LOC400499: variants seen among roughly 807,000 people sequenced by gnomAD.
the LOC400499 span, among the ~76,000 whole-genome samples, chr16:11,380,605 C>A: frequency 6.6e-6 from 1 of 152,120 alleles, no homozygotes; most frequent in Non-Finnish European, 1.5e-5. Context: ...CTTATAACCA[C>A]CTTTTAATTT....
the LOC400499 span, among the ~76,000 whole-genome samples, chr16:11,378,966 T>G: frequency 6.6e-6 from 1 of 152,204 alleles, no homozygotes; most frequent in Non-Finnish European, 1.5e-5. Context: ...TATCCATTAT[T>G]GAAAGTGAGG....
the LOC400499 span, chr16:11,456,938 C>A: frequency 6.5e-7 from 1 of 1,536,310 alleles, no homozygotes. Context: ...CATTGTACTG[C>A]ACCTTCAGGT....
At chr16:11,495,209 CAAAAAA>C in the LOC400499 span, among the ~76,000 whole-genome samples, 7 of 141,382 alleles carry the variant, frequency 5.0e-5, no homozygotes, top group Admixed American at 7.0e-5. Context: ...ACTCTGTCTC[CAAAAAA>C]AAAAAAAAAA....
chr16:11,422,128 A>G, the LOC400499 span, among the ~76,000 whole-genome samples: 1 of 152,202 alleles, frequency 6.6e-6, no homozygotes, highest in Non-Finnish European at 1.5e-5. Flanking sequence ...CAGGCTGGGT[A>G]CATGGCCCAT....
chr16:11,512,542 A>G, the LOC400499 span, among the ~76,000 whole-genome samples: 3 of 152,126 alleles, frequency 2.0e-5, no homozygotes, highest in South Asian at 6.2e-4. Context: ...AGGAGGTTGC[A>G]GTGGGCCAGG....
chr16:11,410,560 G>A, the LOC400499 span, among the ~76,000 whole-genome samples: 10 of 152,350 alleles, frequency 6.6e-5, no homozygotes, highest in East Asian at 1.7e-3. Context: ...TGCGGCAGGG[G>A]ACCCAGCACA....
the LOC400499 span, among the ~76,000 whole-genome samples, chr16:11,479,449 CA>C: frequency 8.0e-6 from 1 of 124,746 alleles, no homozygotes; most frequent in Admixed American, 8.6e-5. Flanking sequence ...CCTATCTCTA[CA>C]AAATTAAAAA....
chr16:11,468,006 C>A, the LOC400499 span, among the ~76,000 whole-genome samples: 1 of 152,146 alleles, frequency 6.6e-6, no homozygotes, highest in Non-Finnish European at 1.5e-5. Context: ...AGAAGACCAC[C>A]TCCAAGCCAA....
the LOC400499 span, among the ~76,000 whole-genome samples, chr16:11,395,794 C>T: frequency 6.6e-6 from 1 of 152,114 alleles, no homozygotes; most frequent in Non-Finnish European, 1.5e-5. Flanking sequence ...ATGGAAACGC[C>T]GAGAGAGCAC....
chr16:11,399,881 G>T, the LOC400499 span: 2 of 398,500 alleles, frequency 5.0e-6, no homozygotes, highest in East Asian at 7.1e-5. Context: ...GAGGTTAACG[G>T]TGTCCCCACA....
the LOC400499 span, among the ~76,000 whole-genome samples, chr16:11,431,916 A>G: frequency 6.6e-6 from 1 of 152,208 alleles, no homozygotes; most frequent in Non-Finnish European, 1.5e-5. Context: ...GTGACAATGT[A>G]GAACTTTCAA....
chr16:11,463,245 A>G, the LOC400499 span, among the ~76,000 whole-genome samples: 1 of 136,738 alleles, frequency 7.3e-6, no homozygotes, highest in East Asian at 2.0e-4. Flanking sequence ...GCCAACCTGT[A>G]GGCTCCCCAC....
chr16:11,517,579 G>A, the LOC400499 span, among the ~76,000 whole-genome samples: 4 of 152,216 alleles, frequency 2.6e-5, no homozygotes, highest in Admixed American at 2.0e-4. Flanking sequence ...GTCACAGGCT[G>A]CAGAAACCCC....
the LOC400499 span, among the ~76,000 whole-genome samples, chr16:11,437,980 T>C: frequency 1.3e-5 from 2 of 152,130 alleles, no homozygotes; most frequent in Non-Finnish European, 2.9e-5. Flanking sequence ...TCGCATGCGC[T>C]CTGAAACCAG....
At chr16:11,492,941 G>A in the LOC400499 span, among the ~76,000 whole-genome samples, 2 of 152,172 alleles carry the variant, frequency 1.3e-5, no homozygotes, top group Admixed American at 1.3e-4. Context: ...AGACGTACAG[G>A]ATGTGAAAAA....
chr16:11,473,907 G>C, the LOC400499 span, among the ~76,000 whole-genome samples: 1 of 152,216 alleles, frequency 6.6e-6, no homozygotes, highest in African/African-American at 2.4e-5. Context: ...CCCGGCTTGA[G>C]TGCAGTGGCA....
the LOC400499 span, among the ~76,000 whole-genome samples, chr16:11,492,623 A>C: frequency 1.3e-5 from 2 of 151,948 alleles, no homozygotes; most frequent in Non-Finnish European, 2.9e-5. Flanking sequence ...TCTCTACTAA[A>C]ATTACAAAAA....
At chr16:11,479,519 A>G in the LOC400499 span, among the ~76,000 whole-genome samples, 11 of 151,994 alleles carry the variant, frequency 7.2e-5, no homozygotes, top group African/African-American at 2.7e-4. Context: ...GCTACTTGGG[A>G]AGCTGAGGTG....
At chr16:11,519,925 A>G in the LOC400499 span, among the ~76,000 whole-genome samples, 1 of 151,880 alleles carries the variant, frequency 6.6e-6, no homozygotes, top group African/African-American at 2.4e-5. Context: ...CTGGTCTCGA[A>G]CTCCAGACCT....
Sources: allele counts gnomAD v4.1 joint callset (sites outside exome capture counted in the v4.1 genomes callset), GRCh38; gene constraint gnomAD v4.1.1; transcripts MANE v1.5.